The following TBCA variants were observed in gnomAD, a reference collection of about 807,000 sequenced individuals.
The protein encoded by TBCA is tubulin-specific chaperone A.
A neutral mutation model predicts 15.8 loss-of-function variants in TBCA; 6 were observed. That is an observed-to-expected ratio of 0.38 (90% CI 0.21 to 0.75). The LOEUF (loss-of-function observed/expected upper bound fraction) is 0.75, where lower values mean the gene tolerates loss of function less well. Among genes scored for constraint, TBCA ranks in the 30% least tolerant of loss-of-function variants. The pLI, the probability that TBCA is intolerant of heterozygous loss-of-function variation, is 0.46. For synonymous variants in TBCA, 32 were observed against 42.3 expected, an observed-to-expected ratio of 0.76 and a Z score of 0.94; for missense variants, 90 against 131.2, an observed-to-expected ratio of 0.69 and a Z score of 1.53.
intron 1 of TBCA, among the ~76,000 whole-genome samples, chr5:77,753,932 T>G (rs903011508): frequency 9.2e-5 from 14 of 152,116 alleles, no homozygotes; most frequent in African/African-American, 3.1e-4. Context: ...CTAATTGCAT[T>G]TTTAGTAGAG....
intron 1 of TBCA, among the ~76,000 whole-genome samples, chr5:77,726,034 T>C (rs1746624905): frequency 1.3e-5 from 2 of 152,196 alleles, no homozygotes; most frequent in Non-Finnish European, 2.9e-5. Context: ...AAAAAAGAAT[T>C]AGACTCGACA....
At chr5:77,764,989 T>A (rs1016850328) in intron 1 of TBCA, among the ~76,000 whole-genome samples, 1 of 152,028 alleles carries the variant, frequency 6.6e-6, no homozygotes, top group East Asian at 1.9e-4. Context: ...GTTAGAAAAA[T>A]TTTAAATATA....
intron 2 of TBCA, among the ~76,000 whole-genome samples, chr5:77,703,387 C>A (rs944915224): frequency 6.6e-6 from 1 of 152,076 alleles, no homozygotes; most frequent in Non-Finnish European, 1.5e-5. Flanking sequence ...ACCCTCTGTA[C>A]CCAACCCTAA....
At position 77,768,264 on chromosome 5, in the gene TBCA, C is replaced by T. The variant is rs181470552; in HGVS notation, c.53+7941G>A. ...TATTGAACATTTACTACATATCAGG[C>T]ATTTGGGCTAAGTGCTTTACATGAT... On this transcript the variant is annotated intron_variant, in intron 1 of 3. Transcript: ENST00000380377. Among the ~76,000 whole-genome samples the T allele has an allele frequency of 5.3e-5, 8 of 152,270 alleles. No individual in the cohort carries two copies. The East Asian group carries it at 1.5e-3, about 29-fold the overall frequency.
At chr5:77,737,819 C>A (rs933958219) in intron 1 of TBCA, among the ~76,000 whole-genome samples, 1 of 151,656 alleles carries the variant, frequency 6.6e-6, no homozygotes, top group Non-Finnish European at 1.5e-5. Flanking sequence ...CTTTAACTAT[C>A]AATTTCTCTT....
intron 1 of TBCA, among the ~76,000 whole-genome samples, chr5:77,761,697 C>CT (rs79222866): frequency 0.018 from 2,499 of 142,382 alleles, 69 homozygotes; most frequent in African/African-American, 0.055. Flanking sequence ...AATTTAATCA[C>CT]TTTTTTTTTT....
intron 3 of TBCA, 27 bp downstream of exon 3, chr5:77,693,239 A>G (rs776720950): frequency 6.2e-7 from 1 of 1,611,108 alleles, no homozygotes; most frequent in Non-Finnish European, 8.5e-7. Flanking sequence ...AAAAAAATTT[A>G]AACATGACAC....
intron 2 of TBCA, among the ~76,000 whole-genome samples, chr5:77,700,865 C>T (rs571303112): frequency 6.6e-6 from 1 of 152,096 alleles, no homozygotes; most frequent in Admixed American, 6.5e-5. Flanking sequence ...AATTGGCATG[C>T]CACATGTAGG....
chr5:77,739,719 C>T (rs1561276471), intron 1 of TBCA, among the ~76,000 whole-genome samples: 1 of 152,174 alleles, frequency 6.6e-6, no homozygotes, highest in Non-Finnish European at 1.5e-5. Flanking sequence ...AAATCCTCAT[C>T]TTATATCTTC....
chr5:77,738,109 CT>C (rs1469189118), intron 1 of TBCA, among the ~76,000 whole-genome samples: 1 of 152,226 alleles, frequency 6.6e-6, no homozygotes, highest in East Asian at 1.9e-4. Context: ...CCAATATAAT[CT>C]ATCACTATTT....
chr5:77,748,250 CTG>C (rs1478193887), intron 1 of TBCA, among the ~76,000 whole-genome samples: 1 of 152,288 alleles, frequency 6.6e-6, no homozygotes, highest in Admixed American at 6.5e-5. Context: ...TGTGAAATAA[CTG>C]TAATGTAGTA....
chr5:77,713,712 TTTTA>T (rs1485214696), intron 1 of TBCA, among the ~76,000 whole-genome samples: 1 of 152,204 alleles, frequency 6.6e-6, no homozygotes, highest in South Asian at 2.1e-4. Context: ...TACTATGATT[TTTTA>T]TTTTAGTCAA....
At chr5:77,736,650 A>C (rs1746915604) in intron 1 of TBCA, among the ~76,000 whole-genome samples, 1 of 152,028 alleles carries the variant, frequency 6.6e-6, no homozygotes, top group Non-Finnish European at 1.5e-5. Context: ...TTCTTTTTCT[A>C]AGAGGAAATG....
intron 1 of TBCA, among the ~76,000 whole-genome samples, chr5:77,712,920 C>G (rs1157237969): frequency 6.6e-6 from 1 of 152,092 alleles, no homozygotes; most frequent in Non-Finnish European, 1.5e-5. Flanking sequence ...GATTATGGAC[C>G]TGTATTAACA....
intron 1 of TBCA, among the ~76,000 whole-genome samples, chr5:77,727,621 A>C (rs1746660989): frequency 6.6e-6 from 1 of 152,350 alleles, no homozygotes; most frequent in South Asian, 2.1e-4. Context: ...CAAATCGAAG[A>C]ACTCTGGCTC....
At chr5:77,760,959 CA>C (rs1295185845) in intron 1 of TBCA, among the ~76,000 whole-genome samples, 1 of 147,140 alleles carries the variant, frequency 6.8e-6, no homozygotes, top group Non-Finnish European at 1.5e-5. Context: ...CCCGGCCACC[CA>C]TCGTCTGGGA....
At chr5:77,721,799 A>G (rs916281150) in intron 1 of TBCA, among the ~76,000 whole-genome samples, 5 of 152,050 alleles carry the variant, frequency 3.3e-5, no homozygotes, top group Non-Finnish European at 5.9e-5. Flanking sequence ...CTGTAGTTTA[A>G]AAAAAGTCTA....
chr5:77,693,663 G>A, intron 2 of TBCA: 1 of 299,756 alleles, frequency 3.3e-6, no homozygotes, highest in Non-Finnish European at 6.4e-6. Context: ...GCAGGGCGTG[G>A]TGGAGCATGC....
intron 2 of TBCA, among the ~76,000 whole-genome samples, chr5:77,697,010 C>A (rs777723596): frequency 5.9e-5 from 9 of 152,160 alleles, no homozygotes; most frequent in Non-Finnish European, 1.0e-4. Flanking sequence ...AGGGATGTTA[C>A]ATTATCATAA....
Sources: gnomAD v4.1 joint callset for allele counts (sites outside exome capture counted in the v4.1 genomes callset) on GRCh38, gnomAD v4.1.1 for gene constraint, MANE v1.5 for transcripts, NCBI Gene and HGNC (gene_info 2026-07-23, HGNC 2026-07-21) for gene names.